The following RNF180 variants were observed in gnomAD, a reference collection of about 807,000 sequenced individuals.
The protein encoded by RNF180 is ring finger protein 180.
RNF180 carries 38 observed loss-of-function variants against 59.2 expected under a neutral mutation model. The ratio of observed to expected loss-of-function variants is 0.64; its 90% confidence interval spans 0.50 to 0.84. The LOEUF (loss-of-function observed/expected upper bound fraction) is 0.84. Among genes scored for constraint, RNF180 ranks in the 40% least tolerant of loss-of-function variants. The probability of loss-of-function intolerance (pLI) is 0.00; values close to 1 mark genes in which losing one functional copy is unlikely to be tolerated. For missense variants in RNF180, 705 were observed against 700.9 expected, an observed-to-expected ratio of 1.01 and a Z score of -0.07; for synonymous variants, 262 against 240.3, an observed-to-expected ratio of 1.09 and a Z score of -0.84.
chr5:64,348,565 G>T (rs1745646823), intron 7 of RNF180, among the ~76,000 whole-genome samples: 1 of 152,012 alleles, frequency 6.6e-6, no homozygotes, highest in African/African-American at 2.4e-5. Flanking sequence ...AACACAAGCA[G>T]CAGAGCTTTG....
chr5:64,192,940 A>AT (rs1561179048), intron 1 of RNF180, among the ~76,000 whole-genome samples: 5 of 70,028 alleles, frequency 7.1e-5, no homozygotes, highest in African/African-American at 2.2e-4. Flanking sequence ...TATATATATA[A>AT]AATGAAACAT....
At position 64,369,982 on chromosome 5, in the gene RNF180, A is replaced by G. The variant is rs1307437963; in HGVS notation, c.*168A>G. ...TTTATTTATTAATGTTTTTCATGTA[A>G]CAAACTAAACTTTATTCAAGAGCTA... is the stretch of plus-strand genomic sequence containing the variant. On this transcript the variant is annotated 3_prime_UTR_variant, in exon 8 of 8. Coordinates refer to ENST00000389100, the MANE Select transcript of RNF180 (RefSeq NM_001113561.2). 1 of 473,324 alleles carries G rather than the reference A, an allele frequency of 2.1e-6. No individual in the cohort carries two copies. Among genetic ancestry groups the G allele is most frequent in the Admixed American group, 4.0e-5 (1 of 25,270 alleles). 29.3% of individuals were successfully genotyped at this position (473,324 alleles called of 1,614,324 possible).
intron 7 of RNF180, among the ~76,000 whole-genome samples, chr5:64,364,014 A>G (rs1746354612): frequency 6.6e-6 from 1 of 151,874 alleles, no homozygotes; most frequent in Non-Finnish European, 1.5e-5. Context: ...CTAGATATAG[A>G]ATCATGTTGT....
intron 5 of RNF180, among the ~76,000 whole-genome samples, chr5:64,255,197 C>T (rs1349747666): frequency 1.3e-5 from 2 of 151,742 alleles, no homozygotes; most frequent in Non-Finnish European, 2.9e-5. Flanking sequence ...CATTTCTGAA[C>T]ACTTTCTTTT....
rs145495370 is a variant in RNF180 at position 64,321,692 on chromosome 5, G to A, written c.1228-3494G>A. On this transcript the variant is annotated intron_variant, in intron 5 of 7. Transcript: ENST00000389100. ...TAAATTTCATAAGGAACCAAAAAAG[G>A]GCCCGTATAGCCAAGACAATCCTAA... Among the ~76,000 whole-genome samples, 3 of 152,006 alleles carry A rather than the reference G, an allele frequency of 2.0e-5. No individual in the cohort carries two copies. In the East Asian group the frequency reaches 5.8e-4, roughly 29 times the overall value.
At chr5:64,192,710 G>T (rs544206221) in intron 1 of RNF180, among the ~76,000 whole-genome samples, 12 of 151,684 alleles carry the variant, frequency 7.9e-5, no homozygotes, top group African/African-American at 2.9e-4. Context: ...GAGGTCTTCA[G>T]AAAATTAAAA....
chr5:64,308,786 G>A (rs1048721354), intron 5 of RNF180, among the ~76,000 whole-genome samples: 6 of 151,808 alleles, frequency 4.0e-5, no homozygotes, highest in South Asian at 2.1e-4. Context: ...TAGAGATAAC[G>A]ACTAAGATGA....
intron 7 of RNF180, among the ~76,000 whole-genome samples, chr5:64,351,482 A>G (rs1031587085): frequency 5.9e-5 from 9 of 152,054 alleles, no homozygotes; most frequent in Admixed American, 2.0e-4. Flanking sequence ...GTCTTGTGCC[A>G]GTTTTCAAAG....
At chr5:64,211,185 C>T (rs1400411069) in intron 2 of RNF180, among the ~76,000 whole-genome samples, 1 of 151,988 alleles carries the variant, frequency 6.6e-6, no homozygotes, top group African/African-American at 2.4e-5. Context: ...AAAGGGAAAA[C>T]TAGAGGAATA....
At chr5:64,344,552 G>A (rs1745482030) in intron 7 of RNF180, among the ~76,000 whole-genome samples, 1 of 152,054 alleles carries the variant, frequency 6.6e-6, no homozygotes, top group Non-Finnish European at 1.5e-5. Context: ...CAATGATGGT[G>A]TACAGGATCC....
intron 5 of RNF180, among the ~76,000 whole-genome samples, chr5:64,307,148 A>G (rs1413314062): frequency 6.6e-6 from 1 of 150,408 alleles, no homozygotes; most frequent in East Asian, 1.9e-4. Context: ...CTTTGCAGGC[A>G]TTAATAACCA....
chr5:64,294,517 TG>T (rs1742783832), intron 5 of RNF180, among the ~76,000 whole-genome samples: 1 of 152,214 alleles, frequency 6.6e-6, no homozygotes, highest in Non-Finnish European at 1.5e-5. Context: ...TTACTTTTTT[TG>T]TAAATGATTA....
chr5:64,203,705 TATC>T (rs1380169352), intron 2 of RNF180, among the ~76,000 whole-genome samples: 2 of 152,082 alleles, frequency 1.3e-5, no homozygotes, highest in African/African-American at 2.4e-5. Flanking sequence ...GATAATTCAA[TATC>T]ATGGTTAAGT....
In RNF180 at chr5:64,300,715, A is replaced by G. The variant is rs1397717246; in HGVS notation, c.1228-24471A>G. 3.3e-5 allele frequency among the ~76,000 whole-genome samples: 5 copies of G among 151,710 alleles called. No individual in the cohort carries two copies. The Admixed American group carries it at 3.3e-4, about 10-fold the overall frequency. ...TATGGCACAAACATTAGATTCTCCC[A>G]CTTCTTCCTACTCTCCCCTGCCATT... On this transcript the variant is annotated intron_variant, in intron 5 of 7. Coordinates refer to ENST00000389100, the MANE Select transcript of RNF180 (RefSeq NM_001113561.2).
chr5:64,372,618 C>T lies in RNF180; in HGVS notation c.*2804C>T, dbSNP rs1746692022. On this transcript the variant is annotated 3_prime_UTR_variant, in exon 8 of 8. Transcript: ENST00000389100. ...AAACATCTAATTTTTATATGGATTT[C>T]TCAAAGAATGCCTTACAGAAGAGCA... is the stretch of plus-strand genomic sequence containing the variant. The T allele has an allele frequency of 6.6e-6, 1 of 151,860 alleles. No homozygotes were observed. Among genetic ancestry groups the T allele is most frequent in the Non-Finnish European group, 1.5e-5 (1 of 67,880 alleles). The allele number at this position is 151,860 out of a possible 1,614,324, so 9.4% of individuals were successfully genotyped here. A position where few individuals can be genotyped will look rare whatever the true frequency, so the allele number is the denominator to read the frequency against.
intron 5 of RNF180, among the ~76,000 whole-genome samples, chr5:64,279,890 C>T (rs2112384638): frequency 6.6e-6 from 1 of 152,246 alleles, no homozygotes; most frequent in Admixed American, 6.5e-5. Context: ...GTCAGGAGTT[C>T]AAGACCAGCC....
At chr5:64,180,714 C>A (rs1025933741) in intron 1 of RNF180, among the ~76,000 whole-genome samples, 6 of 152,128 alleles carry the variant, frequency 3.9e-5, no homozygotes, top group Non-Finnish European at 7.3e-5. Context: ...CATTATTCTT[C>A]CCCTGTAGTC....
At chr5:64,340,518 A>C (rs1199013087) in intron 7 of RNF180, among the ~76,000 whole-genome samples, 1 of 152,222 alleles carries the variant, frequency 6.6e-6, no homozygotes, top group Non-Finnish European at 1.5e-5. Context: ...AAAACAGTAC[A>C]TGCTCACACA....
chr5:64,224,063 G>GTA (rs1491322891), intron 5 of RNF180, among the ~76,000 whole-genome samples: 31 of 27,130 alleles, frequency 1.1e-3, no homozygotes, highest in South Asian at 5.3e-3. Context: ...CTAGGTTGGG[G>GTA]TGTGTGTGTG....
Sources: gnomAD v4.1 joint callset for allele counts (sites outside exome capture counted in the v4.1 genomes callset) on GRCh38, gnomAD v4.1.1 for gene constraint, MANE v1.5 for transcripts, NCBI Gene and HGNC (gene_info 2026-07-23, HGNC 2026-07-21) for gene names.